SYNPR: variants seen among roughly 807,000 people sequenced by gnomAD.
The protein encoded by SYNPR is synaptoporin.
A neutral mutation model predicts 32.9 loss-of-function variants in SYNPR; 23 were observed. The observed-to-expected ratio is 0.70, with a 90% CI of 0.50 to 0.99. SYNPR has a LOEUF of 0.99. SYNPR is among the 50% of genes least tolerant of loss of function. The probability of loss-of-function intolerance (pLI) is 0.00; values close to 1 mark genes in which losing one functional copy is unlikely to be tolerated. For missense variants in SYNPR, 318 were observed against 349.3 expected (o/e 0.91, Z 0.71); for synonymous variants, 146 against 135.9 (o/e 1.07, Z -0.52).
intron 2 of SYNPR, among the ~76,000 whole-genome samples, chr3:63,343,437 A>C (rs777984021): frequency 4.3e-4 from 66 of 152,338 alleles, no homozygotes; most frequent in Non-Finnish European, 7.2e-4. Context: ...GGTGGTGTGC[A>C]TCCCAGGGGC....
At chr3:63,251,885 G>A (rs923374962) in intron 1 of SYNPR, among the ~76,000 whole-genome samples, 11 of 151,948 alleles carry the variant, frequency 7.2e-5, no homozygotes, top group African/African-American at 2.2e-4. Flanking sequence ...CACAGATCAC[G>A]TTTTGACTAC....
chr3:63,253,034 G>A (rs1305926776), intron 2 of SYNPR, among the ~76,000 whole-genome samples: 1 of 105,458 alleles, frequency 9.5e-6, no homozygotes, highest in Non-Finnish European at 1.9e-5. Flanking sequence ...GTGAGACTCT[G>A]TCTCAGAAAA....
chr3:63,263,125 T>G (rs1168276931), intron 2 of SYNPR, among the ~76,000 whole-genome samples: 1 of 152,186 alleles, frequency 6.6e-6, no homozygotes, highest in African/African-American at 2.4e-5. Context: ...AACACGGACT[T>G]AGTTTTGCCA....
intron 2 of SYNPR, among the ~76,000 whole-genome samples, chr3:63,459,068 A>T (rs1700535462): frequency 6.6e-6 from 1 of 151,868 alleles, no homozygotes; most frequent in Non-Finnish European, 1.5e-5. Flanking sequence ...CAAGACTTCC[A>T]GCACACCCCC....
intron 2 of SYNPR, among the ~76,000 whole-genome samples, chr3:63,391,871 G>A (rs1034758368): frequency 6.6e-5 from 10 of 152,160 alleles, no homozygotes; most frequent in Admixed American, 4.6e-4. Context: ...GTATGTACCC[G>A]ATGTCTCGTG....
At chr3:63,502,334 T>C (rs1701497431) in intron 3 of SYNPR, among the ~76,000 whole-genome samples, 1 of 151,864 alleles carries the variant, frequency 6.6e-6, no homozygotes, top group Non-Finnish European at 1.5e-5. Context: ...CTTCCCCCTT[T>C]ATCAATATCC....
intron 2 of SYNPR, among the ~76,000 whole-genome samples, chr3:63,408,319 GGAAAGAAAGAAAGAAA>G (rs1214316826): frequency 1.4e-3 from 24 of 16,838 alleles, no homozygotes; most frequent in Middle Eastern, 0.036. Context: ...AAGGAAGGAA[GGAAAGAAAGAAAGAAA>G]GAAAGAAAGA....
chr3:63,535,068 T>A (rs1702178089), intron 3 of SYNPR, among the ~76,000 whole-genome samples: 1 of 152,008 alleles, frequency 6.6e-6, no homozygotes, highest in African/African-American at 2.4e-5. Context: ...ATCAAACAAA[T>A]TAAGTAACTT....
chr3:63,614,651 A>G (rs990424101), intron 5 of SYNPR, among the ~76,000 whole-genome samples: 1 of 152,210 alleles, frequency 6.6e-6, no homozygotes, highest in African/African-American at 2.4e-5. Context: ...ACCATTGCTT[A>G]CCCTATATTT....
intron 2 of SYNPR, among the ~76,000 whole-genome samples, chr3:63,412,855 G>A (rs1329572811): frequency 6.6e-6 from 1 of 152,160 alleles, no homozygotes; most frequent in Non-Finnish European, 1.5e-5. Context: ...CGTGCAAGGG[G>A]ATAATAGGAT....
intron 2 of SYNPR, among the ~76,000 whole-genome samples, chr3:63,390,285 A>G (rs1051185099): frequency 2.6e-5 from 4 of 152,204 alleles, no homozygotes; most frequent in Middle Eastern, 6.9e-3. Flanking sequence ...TAGCAAGAAC[A>G]CACCCTCTAA....
intron 3 of SYNPR, among the ~76,000 whole-genome samples, chr3:63,520,063 T>C (rs1043771667): frequency 4.6e-5 from 7 of 152,330 alleles, no homozygotes; most frequent in Non-Finnish European, 1.0e-4. Context: ...ACCTGCTTTT[T>C]TCACAGAATA....
intron 2 of SYNPR, among the ~76,000 whole-genome samples, chr3:63,422,169 T>A (rs748921731): frequency 6.6e-6 from 1 of 152,182 alleles, no homozygotes; most frequent in Non-Finnish European, 1.5e-5. Flanking sequence ...CTTGAGGCCA[T>A]CTCCTGTTTA....
chr3:63,401,724 G>A (rs1267951430), intron 2 of SYNPR, among the ~76,000 whole-genome samples: 1 of 152,180 alleles, frequency 6.6e-6, no homozygotes, highest in Non-Finnish European at 1.5e-5. Context: ...CTGGTACTGT[G>A]CCTGTATTCT....
At chr3:63,201,349 C>T in the SYNPR span, among the ~76,000 whole-genome samples, 1 of 152,082 alleles carries the variant, frequency 6.6e-6, no homozygotes, top group East Asian at 1.9e-4. Context: ...TGTACTGGTG[C>T]CATCTTTCTT....
chr3:63,517,170 T>C (rs952518796), intron 3 of SYNPR, among the ~76,000 whole-genome samples: 2 of 152,084 alleles, frequency 1.3e-5, no homozygotes, highest in African/African-American at 4.8e-5. Context: ...AATCACAAAC[T>C]GAGGACTCTA....
the SYNPR span, among the ~76,000 whole-genome samples, chr3:63,222,011 A>ATTTTTTTTTTTTTTT: frequency 3.7e-4 from 21 of 56,410 alleles, 3 homozygotes; most frequent in East Asian, 4.7e-4. Context: ...GCCATGCTCA[A>ATTTTTTTTTTTTTTT]TTTTTTTTTT....
intron 2 of SYNPR, among the ~76,000 whole-genome samples, chr3:63,389,297 T>C (rs2088098939): frequency 6.6e-6 from 1 of 152,060 alleles, no homozygotes; most frequent in South Asian, 2.1e-4. Flanking sequence ...ACCAACACCT[T>C]AAGTGCAAAA....
chr3:63,525,667 C>A (rs886562923), intron 3 of SYNPR, among the ~76,000 whole-genome samples: 1 of 152,158 alleles, frequency 6.6e-6, no homozygotes, highest in Admixed American at 6.5e-5. Context: ...AGGCACAGTT[C>A]AAGAGGGATC....
Sources: allele counts gnomAD v4.1 joint callset (sites outside exome capture counted in the v4.1 genomes callset), GRCh38; gene constraint gnomAD v4.1.1; transcripts MANE v1.5; gene names NCBI Gene and HGNC (gene_info 2026-07-23, HGNC 2026-07-21).